The following HECW2 variants were observed in gnomAD, a reference collection of about 807,000 sequenced individuals.
HECW2 encodes the protein E3 ubiquitin-protein ligase HECW2.
A neutral mutation model predicts 175.2 loss-of-function variants in HECW2; 61 were observed. The observed-to-expected ratio is 0.35, with a 90% confidence interval of 0.28 to 0.43. HECW2 has a LOEUF of 0.43. Ranked by LOEUF, HECW2 falls within the 20% of genes least tolerant of loss-of-function variation. The pLI, the probability that HECW2 is intolerant of heterozygous loss-of-function variation, is 1.00. For synonymous variants in HECW2, 671 were observed against 731.0 expected (o/e 0.92, Z 1.32); for missense variants, 1,524 against 2,000.5 (o/e 0.76, Z 4.54).
intron 2 of HECW2, among the ~76,000 whole-genome samples, chr2:196,399,147 A>G (rs957528758): frequency 9.9e-5 from 15 of 152,190 alleles, no homozygotes; most frequent in African/African-American, 3.6e-4. Flanking sequence ...TTGAGCATGT[A>G]CACTCCGGAA....
intron 1 of HECW2, among the ~76,000 whole-genome samples, chr2:196,511,477 A>G (rs1687951410): frequency 6.6e-6 from 1 of 152,236 alleles, no homozygotes; most frequent in Non-Finnish European, 1.5e-5. Context: ...CATCCGACAA[A>G]TATGTGAGCA....
At chr2:196,452,117 A>G (rs1218404009) in intron 1 of HECW2, among the ~76,000 whole-genome samples, 3 of 152,168 alleles carry the variant, frequency 2.0e-5, no homozygotes, top group Non-Finnish European at 4.4e-5. Flanking sequence ...TGTGTTGTCC[A>G]TTACAGGAGC....
chr2:196,211,117 C>G (rs755199659), intron 28 of HECW2, among the ~76,000 whole-genome samples: 4 of 152,092 alleles, frequency 2.6e-5, no homozygotes, highest in African/African-American at 9.7e-5. Flanking sequence ...CAAAAATTAA[C>G]GCTTTTCCCT....
intron 19 of HECW2, 23 bp from the exon 20 acceptor site, chr2:196,242,227 G>A (rs1214263184): frequency 2.5e-6 from 4 of 1,613,658 alleles, no homozygotes; most frequent in African/African-American, 2.7e-5. Flanking sequence ...ACAAAGAGAG[G>A]ACAATCTGGA....
chr2:196,558,998 A>G (rs1011665578), intron 1 of HECW2, among the ~76,000 whole-genome samples: 9 of 152,232 alleles, frequency 5.9e-5, no homozygotes, highest in African/African-American at 2.2e-4. Flanking sequence ...TCATCTCATT[A>G]GAGTCTCACA....
chr2:196,477,826 T>C (rs1165803921), intron 1 of HECW2, among the ~76,000 whole-genome samples: 1 of 151,894 alleles, frequency 6.6e-6, no homozygotes, highest in Non-Finnish European at 1.5e-5. Flanking sequence ...CTGAGGCGGG[T>C]GGATCACCTG....
At chr2:196,279,431 T>C (rs1690104546) in intron 14 of HECW2, among the ~76,000 whole-genome samples, 1 of 152,198 alleles carries the variant, frequency 6.6e-6, no homozygotes, top group African/African-American at 2.4e-5. Flanking sequence ...TTTCTCACTG[T>C]AGTGTCCTCT....
chr2:196,261,324 T>A (rs1689284132), intron 17 of HECW2, among the ~76,000 whole-genome samples: 1 of 152,230 alleles, frequency 6.6e-6, no homozygotes, highest in Admixed American at 6.5e-5. Context: ...ATATCCTGGC[T>A]TATTCTAAGA....
chr2:196,230,564 C>A (rs923577801), intron 21 of HECW2, among the ~76,000 whole-genome samples: 25 of 152,178 alleles, frequency 1.6e-4, no homozygotes, highest in African/African-American at 6.0e-4. Context: ...AGAATTCCTT[C>A]TCTACCCTGG....
In HECW2 at chr2:196,383,122, G is replaced by C. The variant is rs1456727217; in HGVS notation, c.293-39358C>G. ...TGGAGCCAGATATAGATAAGTTGAA[G>C]AGGTTAATTGACCAGGCCACCTGGA... On this transcript the variant is annotated intron_variant, in intron 2 of 28. Transcript: ENST00000644978. Among the ~76,000 whole-genome samples the C allele has an allele frequency of 4.6e-5, 7 of 152,158 alleles. No homozygotes were observed. The East Asian group carries it at 1.2e-3, about 25-fold the overall frequency.
intron 1 of HECW2, among the ~76,000 whole-genome samples, chr2:196,494,715 A>G (rs548245877): frequency 1.3e-5 from 2 of 152,348 alleles, no homozygotes; most frequent in East Asian, 3.9e-4. Context: ...GAAACTTCCC[A>G]AGACATTTTC....
chr2:196,316,213 A>G (rs1263445391), intron 10 of HECW2: 3 of 152,230 alleles, frequency 2.0e-5, no homozygotes, highest in African/African-American at 7.2e-5. Context: ...ATCCAAATAA[A>G]CAAACAAGGG....
At chr2:196,216,339 T>A (rs1687474539) in intron 27 of HECW2, among the ~76,000 whole-genome samples, 1 of 151,838 alleles carries the variant, frequency 6.6e-6, no homozygotes, top group South Asian at 2.1e-4. Context: ...CAATGTCGGG[T>A]GAATTTAAAA....
intron 2 of HECW2, among the ~76,000 whole-genome samples, chr2:196,422,589 C>T (rs1695435971): frequency 1.3e-5 from 2 of 152,022 alleles, no homozygotes; most frequent in Admixed American, 1.3e-4. Context: ...ACGAGACATG[C>T]AGCATTAGCA....
At chr2:196,329,865 T>C (rs190330253) in intron 4 of HECW2, among the ~76,000 whole-genome samples, 57 of 152,310 alleles carry the variant, frequency 3.7e-4, no homozygotes, top group Admixed American at 2.5e-3. Flanking sequence ...AAAAAATATA[T>C]AAGCTTCAAA....
chr2:196,368,928 C>A (rs551013298), intron 2 of HECW2, among the ~76,000 whole-genome samples: 18 of 152,210 alleles, frequency 1.2e-4, no homozygotes, highest in African/African-American at 4.1e-4. Context: ...ACTTTGAATT[C>A]TCTGTCTGAC....
chr2:196,438,906 C>T (rs1695959795), intron 1 of HECW2, among the ~76,000 whole-genome samples: 1 of 152,044 alleles, frequency 6.6e-6, no homozygotes, highest in South Asian at 2.1e-4. Context: ...GAACAGTGTC[C>T]CAGAGGTGCT....
rs1407891937 is a variant in HECW2, at chr2:196,197,277, T to C, written c.*4000A>G. On this transcript the variant is annotated 3_prime_UTR_variant, in exon 29 of 29. Coordinates refer to ENST00000644978, the MANE Select transcript of HECW2 (RefSeq NM_001348768.2). The stretch of plus-strand genomic sequence containing the variant: ...ACTCCTATCTTCATTATAAGATATT[T>C]GCCTTGTTAGAAGTGGTCCAATCAT... The C allele has an allele frequency of 6.6e-6, 1 of 151,580 alleles. No homozygotes were observed. The highest frequency in any genetic ancestry group is 1.5e-5 in the Non-Finnish European group (1 of 67,978). The allele number at this position is 151,580 out of a possible 1,614,324, so 9.4% of individuals were successfully genotyped here.
chr2:196,204,217 T>C (rs1686980255), intron 28 of HECW2, among the ~76,000 whole-genome samples: 1 of 152,192 alleles, frequency 6.6e-6, no homozygotes, highest in Non-Finnish European at 1.5e-5. Context: ...TTGGGGGATA[T>C]ACACAGAAGT....
Sources: gnomAD v4.1 joint callset for allele counts (sites outside exome capture counted in the v4.1 genomes callset) on GRCh38, gnomAD v4.1.1 for gene constraint, MANE v1.5 for transcripts, NCBI Gene and HGNC (gene_info 2026-07-23, HGNC 2026-07-21) for gene names.